The following WDR91 variants were observed in gnomAD, a reference collection of about 807,000 sequenced individuals.
The protein encoded by WDR91 is WD repeat domain 91, also known as WD repeat-containing protein 91.
WDR91 carries 52 observed loss-of-function variants against 88.4 expected under a neutral mutation model. That is an observed-to-expected ratio of 0.59 (90% CI 0.47 to 0.74). WDR91 has a LOEUF of 0.74. Among genes scored for constraint, WDR91 ranks in the 30% least tolerant of loss-of-function variants. The pLI is 0.00. For missense variants in WDR91, 824 were observed against 954.5 expected (o/e 0.86, Z 1.80); for synonymous variants, 362 against 389.5 (o/e 0.93, Z 0.83).
chr7:135,189,298 G>T, intron 12 of WDR91, 46 bp downstream of exon 12: 1 of 1,560,850 alleles, frequency 6.4e-7, no homozygotes. Flanking sequence ...AAAATTGCCT[G>T]GGAAATCTAA....
chr7:135,205,855 C>A, intron 5 of WDR91, 73 bp downstream of exon 5: 2 of 1,599,558 alleles, frequency 1.3e-6, no homozygotes, highest in Non-Finnish European at 8.5e-7. Flanking sequence ...GCAGGCAAGG[C>A]AAGATCAGAG....
intron 6 of WDR91, 64 bp downstream of exon 6, chr7:135,204,204 T>C: frequency 6.3e-7 from 1 of 1,582,068 alleles, no homozygotes; most frequent in Non-Finnish European, 8.6e-7. Flanking sequence ...CCAGGAGGTC[T>C]GGAAGCACAG....
At chr7:135,200,880 C>G (rs1831544763) in intron 6 of WDR91, among the ~76,000 whole-genome samples, 1 of 152,120 alleles carries the variant, frequency 6.6e-6, no homozygotes, top group South Asian at 2.1e-4. Context: ...TGGCAGCCAT[C>G]CAAATGGAGC....
chr7:135,208,980 C>A lies in WDR91; in HGVS notation c.322G>T (p.Ala108Ser), dbSNP rs750009095. The A allele has an allele frequency of 6.2e-7, 1 of 1,613,844 alleles. No homozygotes were observed. The highest frequency in any genetic ancestry group is 2.2e-5 in the East Asian group (1 of 44,888). Residue 108 changes from alanine to serine, a missense_variant, in exon 3 of 15, where the codon GCT (alanine) becomes TCT (serine). By Grantham distance (99) the Ala-to-Ser change is moderately conservative. Transcript: ENST00000354475. ...GCCTGCTTTGCAAAGAACTCCTGAGCCTTGTCATTTCTGTTTGTCTGCCAA... is the reference window on the plus strand; with the variant it reads ...GCCTGCTTTGCAAAGAACTCCTGAGACTTGTCATTTCTGTTTGTCTGCCAA... ...YTIQTNRNDK[A>S]QEFFAKQATE...
At chr7:135,192,186 C>A (rs908819580) in intron 11 of WDR91, among the ~76,000 whole-genome samples, 2 of 149,100 alleles carry the variant, frequency 1.3e-5, no homozygotes, top group Non-Finnish European at 3.0e-5. Context: ...GGCACCACAT[C>A]AGCTCACTGC....
intron 9 of WDR91, chr7:135,193,958 G>A: frequency 2.7e-6 from 1 of 363,978 alleles, no homozygotes; most frequent in Non-Finnish European, 5.2e-6. Flanking sequence ...GGTGAATGAG[G>A]CCCTCTGATC....
At chr7:135,201,421 C>T (rs1831566890) in intron 6 of WDR91, 1 of 150,286 alleles carries the variant, frequency 6.7e-6, no homozygotes, top group South Asian at 2.1e-4. Context: ...ATCTGCCAGG[C>T]TTTCAATACA....
At position 135,188,692 on chromosome 7, in the gene WDR91, T is replaced by C. The variant is rs1831045964; in HGVS notation, c.1769-147A>G. ...GGCACCCAGGACCCAATGAGCGCCA[T>C]AAAGCTGCCCCTGCCCAAGAGGTCA... is the stretch of plus-strand genomic sequence containing the variant. On this transcript the variant is annotated intron_variant, in intron 12 of 14. Coordinates refer to ENST00000354475, the MANE Select transcript of WDR91 (RefSeq NM_014149.4). The C allele has an allele frequency of 7.4e-6, 5 of 673,104 alleles. No homozygotes were observed. The Admixed American group carries it at 1.2e-4, about 17-fold the overall frequency. 41.7% of individuals were successfully genotyped at this position (673,104 alleles called of 1,614,324 possible). A position where few individuals can be genotyped will look rare whatever the true frequency, so the allele number is the denominator to read the frequency against.
chr7:135,188,414 G>T lies in WDR91; in HGVS notation c.1881+19C>A. The T allele has an allele frequency of 6.2e-7, 1 of 1,608,568 alleles. No individual in the cohort carries two copies. The highest frequency in any genetic ancestry group is 1.1e-5 in the South Asian group (1 of 90,952). On this transcript the variant is annotated intron_variant, in intron 13 of 14. Transcript: ENST00000354475. ...ATGTCATCCCGGTGCTCTCTTATCT[G>T]AATCCTGCAGCCGCCTACCTTCCCG...
intron 1 of WDR91, among the ~76,000 whole-genome samples, chr7:135,211,179 G>C (rs1328357217): frequency 6.6e-6 from 1 of 152,216 alleles, no homozygotes; most frequent in Non-Finnish European, 1.5e-5. Flanking sequence ...CTCCTGACTC[G>C]GGGGGCGGCT....
At chr7:135,188,381 C>T (rs1831032255) in intron 13 of WDR91, 52 bp downstream of exon 13, 10 of 1,517,906 alleles carry the variant, frequency 6.6e-6, no homozygotes, top group Admixed American at 5.0e-5. Context: ...AACCTGCAGC[C>T]GGCCCACATG....
Position 135,204,225 on chromosome 7 carries a change from C to A in WDR91, c.891+43G>T, listed in dbSNP as rs752461844. 6.2e-6 allele frequency: 10 copies of A among 1,602,850 alleles called. No homozygotes were observed. The East Asian group carries it at 1.8e-4, about 29-fold the overall frequency. ...GGTCTGGAAGCACAGGGAGCTGTCACGGCCTTCTTGGCCAGAGTTAGAGAG... is the reference window on the plus strand; with the variant it reads ...GGTCTGGAAGCACAGGGAGCTGTCAAGGCCTTCTTGGCCAGAGTTAGAGAG... On this transcript the variant is annotated intron_variant, in intron 6 of 14. Coordinates refer to ENST00000354475, the MANE Select transcript of WDR91 (RefSeq NM_014149.4).
Position 135,211,467 on chromosome 7 carries a change from G to A in WDR91, c.36C>T (p.Val12=). ...ACCCGCGGAAGAGCAGGTACTCCCGGACCAGCTCGTCAGTGCGCTCCACGG... is the reference window on the plus strand; with the variant it reads ...ACCCGCGGAAGAGCAGGTACTCCCGAACCAGCTCGTCAGTGCGCTCCACGG... ...AEAVERTDEL[V]REYLLFRGFT... is the part of the protein sequence containing the mutation. The change falls in exon 1 of 15, where the codon GTC becomes GTT. Residue 12 remains valine (V), a synonymous_variant. Transcript: ENST00000354475. The A allele has an allele frequency of 1.9e-6, 3 of 1,611,996 alleles. No individual in the cohort carries two copies. The highest frequency in any genetic ancestry group is 1.7e-6 in the Non-Finnish European group (2 of 1,179,174).
intron 8 of WDR91, among the ~76,000 whole-genome samples, chr7:135,195,391 A>T (rs1386804182): frequency 2.0e-5 from 3 of 152,220 alleles, no homozygotes. Context: ...AGAGCCTCCA[A>T]CTCACACTCC....
At chr7:135,201,412 T>A (rs1701812541) in intron 6 of WDR91, 1 of 150,982 alleles carries the variant, frequency 6.6e-6, no homozygotes, top group Non-Finnish European at 1.5e-5. Flanking sequence ...CTGGAGAGTA[T>A]CTGCCAGGCT....
rs1375122940 is a variant in WDR91 at position 135,184,569 on chromosome 7, G to A, written c.*1582C>T. 6.6e-6 allele frequency: 1 copy of A among 152,406 alleles called. No homozygotes were observed. Among genetic ancestry groups the A allele is most frequent in the African/African-American group, 2.4e-5 (1 of 41,446 alleles). The allele number at this position is 152,406 out of a possible 1,614,324, so 9.4% of individuals were successfully genotyped here. On this transcript the variant is annotated 3_prime_UTR_variant, in exon 15 of 15. Transcript: ENST00000354475. Reference sequence around the variant, plus strand: ...GCTCTTGTTCCTCCTCACCTAGTGGGAAGATATGCCTCTTCAAGGTCCCAC... The same window carrying A: ...GCTCTTGTTCCTCCTCACCTAGTGGAAAGATATGCCTCTTCAAGGTCCCAC...
intron 6 of WDR91, among the ~76,000 whole-genome samples, chr7:135,203,717 C>T (rs1469962663): frequency 6.6e-6 from 1 of 152,214 alleles, no homozygotes; most frequent in African/African-American, 2.4e-5. Context: ...CCAAAACAGT[C>T]ATAAGCCCTT....
In WDR91 at chr7:135,196,650, G is replaced by A. The variant is rs542352762; in HGVS notation, c.1051-313C>T. Among the ~76,000 whole-genome samples the A allele has an allele frequency of 6.6e-5, 10 of 152,286 alleles. 1 individual carries two copies. The highest frequency in any genetic ancestry group is 3.9e-4 in the East Asian group (2 of 5,182). Reference sequence around the variant, plus strand: ...CATCTGCCTTGACAACAGGCCAGGCGGAGGATGCGTGGTGCAGGCCACACA... The same window carrying A: ...CATCTGCCTTGACAACAGGCCAGGCAGAGGATGCGTGGTGCAGGCCACACA... On this transcript the variant is annotated intron_variant, in intron 7 of 14. Transcript: ENST00000354475. This position sits in a 1 kb window ranked among gnomAD's most constrained non-coding sequence, Gnocchi z 4.2.
At chr7:135,197,779 C>A in intron 7 of WDR91, 1 of 550,200 alleles carries the variant, frequency 1.8e-6, no homozygotes. Context: ...TTTCTGGCCC[C>A]TACTTAGGGA....
Sources: allele counts gnomAD v4.1 joint callset (sites outside exome capture counted in the v4.1 genomes callset), GRCh38; gene constraint gnomAD v4.1.1; non-coding constraint Gnocchi (gnomAD v3.1); transcripts MANE v1.5; gene names NCBI Gene and HGNC (gene_info 2026-07-23, HGNC 2026-07-21).